Variants in C8orf34 observed in about 807,000 individuals in gnomAD.
C8orf34 encodes uncharacterized protein C8orf34.
C8orf34 carries 65 observed loss-of-function variants against 68.3 expected under a neutral mutation model. The ratio of observed to expected loss-of-function variants is 0.95; its 90% CI spans 0.78 to 1.17. The LOEUF is 1.17. Among genes scored for constraint, C8orf34 ranks in the 50% most tolerant of loss-of-function variants. C8orf34 has a pLI of 0.00. For synonymous variants in C8orf34, 244 were observed against 241.2 expected, an observed-to-expected ratio of 1.01 and a Z score of -0.11; for missense variants, 664 against 655.4, an observed-to-expected ratio of 1.01 and a Z score of -0.14.
At chr8:68,689,050 A>C (rs1206980781) in intron 8 of C8orf34, among the ~76,000 whole-genome samples, 1 of 152,098 alleles carries the variant, frequency 6.6e-6, no homozygotes. Flanking sequence ...ACACCATGAA[A>C]TACTACTCAG....
chr8:68,532,433 C>T (rs1190408269), intron 6 of C8orf34, among the ~76,000 whole-genome samples: 2 of 151,946 alleles, frequency 1.3e-5, no homozygotes, highest in Non-Finnish European at 2.9e-5. Flanking sequence ...GAAGATCAGT[C>T]ACTAATAAAA....
In C8orf34 at chr8:68,350,884, T is replaced by C. The variant is rs111324930; in HGVS notation, c.327+19545T>C. Among the ~76,000 whole-genome samples, 1,242 of 152,150 alleles carry C rather than the reference T, an allele frequency of 8.2e-3. 41 individuals are homozygous for C. In the East Asian group the frequency reaches 0.1, roughly 13 times the overall value. On this transcript the variant is annotated intron_variant, in intron 1 of 13. Transcript: ENST00000518698. ...CTTGAGATGGGTCTCTTGAAGACAG[T>C]ATACCGTTAGGTCTTGCTTTTTTAT... is the stretch of plus-strand genomic sequence containing the variant.
chr8:68,771,296 G>A (rs1366334672), intron 10 of C8orf34, among the ~76,000 whole-genome samples: 1 of 152,116 alleles, frequency 6.6e-6, no homozygotes, highest in Non-Finnish European at 1.5e-5. Flanking sequence ...GCCTATAGAG[G>A]TTGTCGAGTT....
At chr8:68,685,341 G>A (rs1422892921) in intron 8 of C8orf34, among the ~76,000 whole-genome samples, 1 of 152,040 alleles carries the variant, frequency 6.6e-6, no homozygotes, top group African/African-American at 2.4e-5. Context: ...AATAAGGTGA[G>A]GAGAAGGAGA....
chr8:68,400,804 G>A (rs1004088843), intron 1 of C8orf34, among the ~76,000 whole-genome samples: 7 of 152,152 alleles, frequency 4.6e-5, no homozygotes, highest in Non-Finnish European at 1.0e-4. Flanking sequence ...GAAGCAATGT[G>A]ATGCCTTCAG....
At chr8:68,633,795 A>T (rs906957928) in intron 7 of C8orf34, among the ~76,000 whole-genome samples, 2 of 152,176 alleles carry the variant, frequency 1.3e-5, no homozygotes, top group African/African-American at 4.8e-5. Context: ...AGAGGAAGAA[A>T]GAAAAAAGAA....
intron 7 of C8orf34, among the ~76,000 whole-genome samples, chr8:68,548,720 G>A (rs974689228): frequency 2.0e-5 from 3 of 151,638 alleles, no homozygotes; most frequent in African/African-American, 7.3e-5. Context: ...AAAAATATTT[G>A]CATAAGAAAA....
At position 68,682,456 on chromosome 8, in the gene C8orf34, C is replaced by T. The variant is rs1165196955; in HGVS notation, c.1242-26538C>T. Reference sequence around the variant, plus strand: ...CTCGTAATTTAGTTATCCTTCTCTTCCTGGTGCAGACAGGGAGACTCCCTT... The same window carrying T: ...CTCGTAATTTAGTTATCCTTCTCTTTCTGGTGCAGACAGGGAGACTCCCTT... On this transcript the variant is annotated intron_variant, in intron 8 of 13. Transcript: ENST00000518698. Among the ~76,000 whole-genome samples the T allele has an allele frequency of 3.3e-5, 5 of 152,078 alleles. No homozygotes were observed. The South Asian group carries it at 8.3e-4, about 25-fold the overall frequency.
At chr8:68,562,632 T>TTTG (rs748014214) in intron 7 of C8orf34, among the ~76,000 whole-genome samples, 3 of 152,038 alleles carry the variant, frequency 2.0e-5, no homozygotes, top group Non-Finnish European at 2.9e-5. Flanking sequence ...TGTAAGCAAT[T>TTTG]TTGTTGTTGT....
At chr8:68,349,091 T>C (rs1312571745) in intron 1 of C8orf34, among the ~76,000 whole-genome samples, 3 of 152,074 alleles carry the variant, frequency 2.0e-5, no homozygotes. Flanking sequence ...CAGTATAATG[T>C]TGGCTGTGCA....
intron 7 of C8orf34, among the ~76,000 whole-genome samples, chr8:68,538,394 T>G (rs2129901206): frequency 6.6e-6 from 1 of 152,024 alleles, no homozygotes; most frequent in East Asian, 1.9e-4. Flanking sequence ...AAAGTGCTGG[T>G]GACTACATAT....
At chr8:68,343,786 G>A (rs1232591341) in intron 1 of C8orf34, among the ~76,000 whole-genome samples, 5 of 152,022 alleles carry the variant, frequency 3.3e-5, no homozygotes, top group African/African-American at 9.7e-5. Flanking sequence ...TAGAGACAGG[G>A]TTTCACCATG....
rs376143915 is a variant in C8orf34, at chr8:68,752,239, A to ATTGT, written c.1405-24159_1405-24156dup. On this transcript the variant is annotated intron_variant, in intron 10 of 13. Transcript: ENST00000518698. Reference sequence around the variant, plus strand: ...ATTTGATTCCTTTTACCTTCCACAGATTGTGCTGATGTCTCATTAAATTAA... The same window carrying ATTGT: ...ATTTGATTCCTTTTACCTTCCACAGATTGTTTGTGCTGATGTCTCATTAAATTAA... Among the ~76,000 whole-genome samples the ATTGT allele has an allele frequency of 5.4e-3, 825 of 152,318 alleles. 10 individuals are homozygous for ATTGT. The highest frequency in any genetic ancestry group is 0.018 in the African/African-American group (732 of 41,568).
chr8:68,380,336 C>T (rs1478755707), intron 1 of C8orf34, among the ~76,000 whole-genome samples: 1 of 152,300 alleles, frequency 6.6e-6, no homozygotes. Context: ...GAAAGAGAAA[C>T]TGAGTTCAGC....
chr8:68,641,312 AT>A (rs1429349148), intron 8 of C8orf34, among the ~76,000 whole-genome samples: 1 of 152,092 alleles, frequency 6.6e-6, no homozygotes, highest in South Asian at 2.1e-4. Context: ...ATCAAACCAG[AT>A]TTTTGTAGCT....
chr8:68,482,973 A>G (rs1812924265), intron 4 of C8orf34, among the ~76,000 whole-genome samples: 1 of 109,702 alleles, frequency 9.1e-6, no homozygotes, highest in Non-Finnish European at 1.9e-5. Flanking sequence ...TCTACATTAT[A>G]ATACAATTGG....
intron 3 of C8orf34, among the ~76,000 whole-genome samples, chr8:68,456,631 T>C (rs1448241201): frequency 6.6e-6 from 1 of 152,206 alleles, no homozygotes; most frequent in Non-Finnish European, 1.5e-5. Context: ...CAAACTGGCA[T>C]AGGGACAAAG....
intron 6 of C8orf34, chr8:68,530,723 A>G (rs1028297318): frequency 1.1e-5 from 7 of 616,252 alleles, no homozygotes; most frequent in Non-Finnish European, 1.5e-5. Context: ...AGTAAACATG[A>G]TTTTCTTTAA....
At chr8:68,625,682 TG>T in intron 7 of C8orf34, 1 of 698,408 alleles carries the variant, frequency 1.4e-6, no homozygotes, top group Non-Finnish European at 2.6e-6. Flanking sequence ...CTCCTCCCTG[TG>T]GCACACCACA....
Sources: gnomAD v4.1 joint callset for allele counts (sites outside exome capture counted in the v4.1 genomes callset) on GRCh38, gnomAD v4.1.1 for gene constraint, MANE v1.5 for transcripts, NCBI Gene and HGNC (gene_info 2026-07-23, HGNC 2026-07-21) for gene names.